The following CCDC91 variants were observed in gnomAD, a reference collection of about 807,000 sequenced individuals.
CCDC91 encodes the protein coiled-coil domain-containing protein 91.
In CCDC91, 48 loss-of-function variants were observed where a neutral mutation model predicts 63.2. That is an observed-to-expected ratio of 0.76 (90% CI 0.60 to 0.97). CCDC91 has a LOEUF of 0.97. Ranked by LOEUF, CCDC91 falls within the 50% of genes least tolerant of loss-of-function variation. The pLI, the probability that CCDC91 is intolerant of heterozygous loss-of-function variation, is 0.00. For synonymous variants in CCDC91, 167 were observed against 165.8 expected (o/e 1.01, Z -0.06); for missense variants, 500 against 494.6 (o/e 1.01, Z -0.10).
Position 28,326,631 on chromosome 12 carries a change from A to G in CCDC91, c.576+18882A>G, listed in dbSNP as rs1389972227. Among the ~76,000 whole-genome samples the G allele has an allele frequency of 2.8e-5, 4 of 143,728 alleles. No individual in the cohort carries two copies. The Middle Eastern group carries it at 0.012, about 431-fold the overall frequency. 94.3% of individuals were successfully genotyped at this position (143,728 alleles called of 152,430 possible). ...TGTTCTCATTGTTCAGTTCCCACCT[A>G]TGAGTGAGAATATGCAGTGTTTGGT... On this transcript the variant is annotated intron_variant, in intron 6 of 12. Coordinates refer to ENST00000536442, the MANE Select transcript of CCDC91 (RefSeq NM_018318.5).
intron 11 of CCDC91, among the ~76,000 whole-genome samples, chr12:28,468,736 C>T (rs1352896262): frequency 6.6e-6 from 1 of 151,970 alleles, no homozygotes; most frequent in African/African-American, 2.4e-5. Context: ...AATGATTATT[C>T]ATCATGACCA....
chr12:28,431,502 A>G (rs1948624168), intron 8 of CCDC91, among the ~76,000 whole-genome samples: 1 of 152,054 alleles, frequency 6.6e-6, no homozygotes, highest in East Asian at 1.9e-4. Flanking sequence ...TAATATAACT[A>G]TTTCAGTTTT....
At chr12:28,199,928 T>C (rs1355197963) in intron 1 of CCDC91, among the ~76,000 whole-genome samples, 3 of 145,042 alleles carry the variant, frequency 2.1e-5, no homozygotes, top group African/African-American at 7.7e-5. Context: ...TCTCTTGAAT[T>C]TTATCCTACT....
chr12:28,336,925 T>A (rs1942026493), intron 6 of CCDC91, among the ~76,000 whole-genome samples: 1 of 142,742 alleles, frequency 7.0e-6, no homozygotes, highest in Admixed American at 6.8e-5. Context: ...ATTTTCACTT[T>A]AAAAAGTTAA....
rs150940252 is a variant in CCDC91, at chr12:28,192,337, G to GA, written c.-15+1698dup. On this transcript the variant is annotated intron_variant, in intron 1 of 12. Coordinates refer to ENST00000536442, the MANE Select transcript of CCDC91 (RefSeq NM_018318.5). Reference sequence around the variant, plus strand: ...ATGATTGTTATGAATGAAGATAGTAGAAGACGGAGTGGGAGTGGAGTAGAG... The same window carrying GA: ...ATGATTGTTATGAATGAAGATAGTAGAAAGACGGAGTGGGAGTGGAGTAGAG... Among the ~76,000 whole-genome samples the GA allele has an allele frequency of 1.3e-3, 200 of 152,314 alleles. 4 individuals carry two copies. In the East Asian group the frequency reaches 0.02, roughly 15 times the overall value.
chr12:28,345,270 A>T (rs1176993890), intron 6 of CCDC91, among the ~76,000 whole-genome samples: 1 of 152,084 alleles, frequency 6.6e-6, no homozygotes, highest in Admixed American at 6.6e-5. Flanking sequence ...GTATGTATAC[A>T]TACATATATA....
intron 1 of CCDC91, among the ~76,000 whole-genome samples, chr12:28,210,920 C>T (rs1027918071): frequency 2.4e-4 from 36 of 151,810 alleles, no homozygotes; most frequent in Non-Finnish European, 4.1e-4. Flanking sequence ...CAAAACAAGA[C>T]GGAGTCTCAT....
chr12:28,333,766 A>G (rs1478541353), intron 6 of CCDC91, among the ~76,000 whole-genome samples: 5 of 152,188 alleles, frequency 3.3e-5, no homozygotes, highest in African/African-American at 1.2e-4. Flanking sequence ...TGGCGTTTCC[A>G]TACGTCAGAT....
intron 3 of CCDC91, among the ~76,000 whole-genome samples, chr12:28,298,727 T>TAAA (rs138233289): frequency 0.2 from 28,745 of 145,378 alleles, 3,688 homozygotes; most frequent in Non-Finnish European, 0.3. Context: ...CTTGATTTTG[T>TAAA]AAAAAAAAAA....
At chr12:28,247,386 A>G (rs1404731206) in intron 1 of CCDC91, among the ~76,000 whole-genome samples, 5 of 151,724 alleles carry the variant, frequency 3.3e-5, no homozygotes, top group African/African-American at 7.3e-5. Flanking sequence ...AGGCTAAGCC[A>G]GGAGAATGGC....
chr12:28,352,604 T>C (rs1943256365), intron 6 of CCDC91, among the ~76,000 whole-genome samples: 1 of 152,234 alleles, frequency 6.6e-6, no homozygotes, highest in African/African-American at 2.4e-5. Flanking sequence ...AATTGCAGCG[T>C]TCAGTCACAT....
chr12:28,250,278 T>G (rs1415816197), intron 1 of CCDC91, among the ~76,000 whole-genome samples: 1 of 152,034 alleles, frequency 6.6e-6, no homozygotes, highest in East Asian at 1.9e-4. Context: ...TAAAGGAAAA[T>G]TTAGTTATTA....
At chr12:28,276,908 G>T (rs924379484) in intron 3 of CCDC91, among the ~76,000 whole-genome samples, 6 of 151,772 alleles carry the variant, frequency 4.0e-5, no homozygotes, top group African/African-American at 1.5e-4. Flanking sequence ...GTGTAATTTA[G>T]AGAAATTTCA....
intron 5 of CCDC91, 21 bp from the exon 6 acceptor site, chr12:28,307,624 G>T: frequency 8.2e-7 from 1 of 1,215,562 alleles, no homozygotes; most frequent in Non-Finnish European, 1.2e-6. Context: ...TACAAAGCTT[G>T]TATTTGTATT....
chr12:28,372,937 TC>T (rs1367644743), intron 7 of CCDC91, among the ~76,000 whole-genome samples: 4 of 152,182 alleles, frequency 2.6e-5, no homozygotes, highest in Non-Finnish European at 5.9e-5. Context: ...TTCAAATTTT[TC>T]CCATTCAGTA....
At chr12:28,270,140 CTG>C (rs1947655058) in intron 3 of CCDC91, among the ~76,000 whole-genome samples, 1 of 151,572 alleles carries the variant, frequency 6.6e-6, no homozygotes, top group Non-Finnish European at 1.5e-5. Context: ...TTTGGAGTGA[CTG>C]TGTTAAAGGC....
At chr12:28,483,888 T>A (rs1951575851) in intron 11 of CCDC91, among the ~76,000 whole-genome samples, 164 bp from the exon 12 acceptor site, 1 of 152,180 alleles carries the variant, frequency 6.6e-6, no homozygotes, top group Admixed American at 6.6e-5. Flanking sequence ...GTGAACTCTC[T>A]AACAGATCGC....
chr12:28,362,463 A>G lies in CCDC91; in HGVS notation c.602A>G (p.Asp201Gly), dbSNP rs867420215. 5.6e-6 allele frequency: 9 copies of G among 1,596,076 alleles called. No homozygotes were observed. In the Middle Eastern group the frequency reaches 1.2e-3, roughly 206 times the overall value. ...GAAAAACATAAACAAGAATTGGAAGACATGAGGAAAGCTGGTCACGAAGCC... is the reference window on the plus strand; with the variant it reads ...GAAAAACATAAACAAGAATTGGAAGGCATGAGGAAAGCTGGTCACGAAGCC... Reference protein sequence around the residue: ...LQEKHKQELEDMRKAGHEALS... With the variant: ...LQEKHKQELEGMRKAGHEALS... The change falls in exon 7 of 13, where the codon GAC becomes GGC. Residue 201 changes from aspartate (D) to glycine (G), a missense_variant. By Grantham distance (94) the Asp-to-Gly change is moderately conservative. Transcript: ENST00000536442.
intron 6 of CCDC91, 64 bp from the exon 7 acceptor site, chr12:28,362,374 G>C: frequency 8.4e-7 from 1 of 1,183,856 alleles, no homozygotes; most frequent in Non-Finnish European, 1.2e-6. Context: ...AAAGTCTATG[G>C]TTTTATTATT....
Sources: gnomAD v4.1 joint callset for allele counts (sites outside exome capture counted in the v4.1 genomes callset) on GRCh38, gnomAD v4.1.1 for gene constraint, MANE v1.5 for transcripts, NCBI Gene and HGNC (gene_info 2026-07-23, HGNC 2026-07-21) for gene names.